The following ACP2 variants were observed in gnomAD, a reference collection of about 807,000 sequenced individuals.
ACP2 encodes acid phosphatase 2, lysosomal, also known as lysosomal acid phosphatase.
In ACP2, 35 loss-of-function variants were observed where a neutral mutation model predicts 54.7. That is an observed-to-expected ratio of 0.64 (90% confidence interval 0.49 to 0.85). The LOEUF (loss-of-function observed/expected upper bound fraction) is 0.85. ACP2 is among the 40% of genes least tolerant of loss of function. The pLI is 0.00. For synonymous variants in ACP2, 210 were observed against 224.4 expected (o/e 0.94, Z 0.57); for missense variants, 492 against 565.0 (o/e 0.87, Z 1.31).
intron 1 of ACP2, chr11:47,248,431 T>C (rs1034831788): frequency 4.5e-6 from 7 of 1,539,554 alleles, no homozygotes; most frequent in South Asian, 2.4e-5. Context: ...CAAAGGCTTC[T>C]TTAGGGATGA....
Position 47,244,750 on chromosome 11 carries a change from C to G in ACP2, c.757G>C (p.Ala253Pro), listed in dbSNP as rs1159089968. The stretch of plus-strand genomic sequence containing the variant: ...TGTCACTCACCCCCCTGAAGCCGGG[C>G]CTTCTCCGCCTGCTGGTAGATTCCG... ...LFGIYQQAEK[A>P]RLQGGVLLAQ... Residue 253 changes from alanine (A) to proline (P), a missense_variant, in exon 7 of 11, where the codon GCC (alanine) becomes CCC (proline). Coordinates refer to ENST00000672073, the MANE Select transcript of ACP2 (RefSeq NM_001610.4). The G allele has an allele frequency of 6.2e-7, 1 of 1,608,214 alleles. No homozygotes were observed. The highest frequency in any genetic ancestry group is 1.3e-5 in the African/African-American group (1 of 74,866).
intron 7 of ACP2, among the ~76,000 whole-genome samples, chr11:47,244,348 C>T (rs1953974025): frequency 6.6e-6 from 1 of 152,036 alleles, no homozygotes; most frequent in Non-Finnish European, 1.5e-5. Flanking sequence ...AACCCCGTTC[C>T]TACTAAAAAT....
At position 47,247,667 on chromosome 11, in the gene ACP2, G is replaced by A; in HGVS notation, c.271C>T (p.Leu91=). 6.2e-7 allele frequency: 1 copy of A among 1,614,228 alleles called. No homozygotes were observed. Among genetic ancestry groups the A allele is most frequent in the Non-Finnish European group, 8.5e-7 (1 of 1,180,044 alleles). ...QALRQRYHGF[L]NTSYHRQEVY... ...TCTTGCCGGTGATAAGAGGTGTTTAGGAAGCCGTGATAGCGCTGCCGCAGG... is the reference window on the plus strand; with the variant it reads ...TCTTGCCGGTGATAAGAGGTGTTTAAGAAGCCGTGATAGCGCTGCCGCAGG... Residue 91 remains leucine (L), a synonymous_variant, in exon 3 of 11, where the codon CTA becomes TTA. Transcript: ENST00000672073.
At position 47,245,924 on chromosome 11, in the gene ACP2, G is replaced by A. The variant is rs964325968; in HGVS notation, c.298-90C>T. On this transcript the variant is annotated intron_variant, in intron 3 of 10. Coordinates refer to ENST00000672073, the MANE Select transcript of ACP2 (RefSeq NM_001610.4). ...GTCACCCTGAAGTGGAGCCTTGTATGTATGTGTGTGTGTGTGGTGGGAAGT... is the reference window on the plus strand; with the variant it reads ...GTCACCCTGAAGTGGAGCCTTGTATATATGTGTGTGTGTGTGGTGGGAAGT... 4.2e-6 allele frequency: 6 copies of A among 1,441,564 alleles called. No individual in the cohort carries two copies. The African/African-American group carries it at 8.7e-5, about 21-fold the overall frequency. 89.3% of individuals were successfully genotyped at this position (1,441,564 alleles called of 1,614,324 possible).
chr11:47,244,899 A>T, intron 6 of ACP2, 32 bp from the exon 7 acceptor site: 1 of 1,567,098 alleles, frequency 6.4e-7, no homozygotes, highest in Non-Finnish European at 8.7e-7. Flanking sequence ...TTAGCGCCCC[A>T]GGCCTAGGCC....
chr11:47,241,899 C>G (rs1432071419), intron 10 of ACP2, among the ~76,000 whole-genome samples: 2 of 152,156 alleles, frequency 1.3e-5, no homozygotes, highest in Non-Finnish European at 2.9e-5. Flanking sequence ...ATATGAGTCT[C>G]TAGCTCAGAG....
chr11:47,243,648 C>G (rs1004006501), intron 7 of ACP2, among the ~76,000 whole-genome samples: 1 of 152,130 alleles, frequency 6.6e-6, no homozygotes, highest in African/African-American at 2.4e-5. Flanking sequence ...TGGGTGCATG[C>G]CCGGGTAACT....
intron 5 of ACP2, 38 bp downstream of exon 5, chr11:47,245,436 A>G: frequency 6.2e-7 from 1 of 1,614,180 alleles, no homozygotes; most frequent in East Asian, 2.2e-5. Flanking sequence ...CTCTGGGGAA[A>G]AGACAGCGTG....
At chr11:47,247,437 C>T in intron 3 of ACP2, 1 of 616,528 alleles carries the variant, frequency 1.6e-6, no homozygotes. Context: ...GATGCTTAAT[C>T]AAATTTGCCT....
chr11:47,248,274 G>T, intron 1 of ACP2, 141 bp from the exon 2 acceptor site: 1 of 1,029,944 alleles, frequency 9.7e-7, no homozygotes, highest in Non-Finnish European at 1.4e-6. Context: ...CCAGCTAGGA[G>T]TCAGTCACTT....
Position 47,240,141 on chromosome 11 carries a change from A to G in ACP2, c.1247T>C (p.Val416Ala). 1 of 1,614,014 alleles carries G rather than the reference A, an allele frequency of 6.2e-7. No individual in the cohort carries two copies. The highest frequency in any genetic ancestry group is 8.5e-7 in the Non-Finnish European group (1 of 1,179,974). ...MQAQPPGYRH[V>A]ADGEDHA ...TCAGGCGTGGTCCTCCCCATCTGCG[A>G]CGTGGCGGTAGCCAGGAGGCTGGGC... Residue 416 changes from valine (V) to alanine (A), a missense_variant, in exon 11 of 11, where the codon GTC (valine) becomes GCC (alanine). By Grantham distance (64) the Val-to-Ala change is moderately conservative (BLOSUM62 0). Transcript: ENST00000672073.
At position 47,245,765 on chromosome 11, in the gene ACP2, G is replaced by A. The variant is rs748187619; in HGVS notation, c.367C>T (p.Pro123Ser). 7.4e-6 allele frequency: 12 copies of A among 1,613,096 alleles called. No individual in the cohort carries two copies. The South Asian group carries it at 7.7e-5, about 10-fold the overall frequency. Reference sequence around the variant, plus strand: ...TTGAAGCGCTGCATCCCGTTGGGAGGGAAGAGTCCAGCCAGGTTGGCCTCA... The same window carrying A: ...TTGAAGCGCTGCATCCCGTTGGGAGAGAAGAGTCCAGCCAGGTTGGCCTCA... ...SAEANLAGLF[P>S]PNGMQRFNPN... Residue 123 changes from proline (P) to serine (S), a missense_variant, in exon 4 of 11, where the codon CCT becomes TCT. Pro to Ser is a moderately conservative substitution (Grantham distance 74). Coordinates refer to ENST00000672073, the MANE Select transcript of ACP2 (RefSeq NM_001610.4).
chr11:47,248,256 A>C, intron 1 of ACP2, 123 bp from the exon 2 acceptor site: 1 of 1,102,716 alleles, frequency 9.1e-7, no homozygotes, highest in Non-Finnish European at 1.3e-6. Flanking sequence ...TACTGGCTGC[A>C]AAAGACCCCA....
At position 47,245,546 on chromosome 11, in the gene ACP2, A is replaced by C; in HGVS notation, c.477T>G (p.Cys159Trp). The C allele has an allele frequency of 6.2e-7, 1 of 1,614,112 alleles. No individual in the cohort carries two copies. Among genetic ancestry groups the C allele is most frequent in the Non-Finnish European group, 8.5e-7 (1 of 1,180,010 alleles). The part of the protein sequence containing the change: ...DRLLKFPLGP[C>W]PRYEQLQNET... ...CGTTCTGCAGCTGCTCATAACGGGG[A>C]CATGGGCCCAACGGGAACTTCAGCA... Residue 159 changes from cysteine (C) to tryptophan (W), a missense_variant, in exon 5 of 11, where the codon TGT becomes TGG. Physicochemically the swap from Cys to Trp is radical, Grantham distance 215 (BLOSUM62 -2). Transcript: ENST00000672073.
At position 47,239,863 on chromosome 11, in the gene ACP2, G is replaced by A; in HGVS notation, c.*253C>T. ...GCCAGTTTACATCTCAGGTGTGTAG[G>A]GAGCGTGGAGGAGGCAAATCCTGTT... On this transcript the variant is annotated 3_prime_UTR_variant, in exon 11 of 11. Transcript: ENST00000672073. 1 of 489,580 alleles carries A rather than the reference G, an allele frequency of 2.0e-6. No homozygotes were observed. The highest frequency in any genetic ancestry group is 3.7e-6 in the Non-Finnish European group (1 of 273,356). 30.3% of individuals were successfully genotyped at this position (489,580 alleles called of 1,614,324 possible).
intron 7 of ACP2, among the ~76,000 whole-genome samples, chr11:47,243,573 G>A (rs566969482): frequency 5.3e-5 from 8 of 152,322 alleles, no homozygotes; most frequent in East Asian, 1.9e-4. Context: ...ACCTGCCTGT[G>A]TTTACAGAAG....
intron 10 of ACP2, among the ~76,000 whole-genome samples, chr11:47,240,894 G>C (rs1953859090): frequency 6.6e-6 from 1 of 152,046 alleles, no homozygotes; most frequent in Non-Finnish European, 1.5e-5. Context: ...AAGTAGGTCA[G>C]CAGGGAAGGC....
intron 7 of ACP2, among the ~76,000 whole-genome samples, chr11:47,244,185 T>G (rs1464157277): frequency 6.6e-6 from 1 of 151,770 alleles, no homozygotes; most frequent in African/African-American, 2.4e-5. Context: ...TCCCAGCACT[T>G]TGGGAGGCCA....
rs752483023 is a variant in ACP2, at chr11:47,240,147, C to T, written c.1241G>A (p.Arg414His). 9 of 1,613,900 alleles carry T rather than the reference C, an allele frequency of 5.6e-6. No homozygotes were observed. The highest frequency in any genetic ancestry group is 1.3e-5 in the African/African-American group (1 of 75,048). Residue 414 changes from arginine (R) to histidine (H), a missense_variant, in exon 11 of 11, where the codon CGC becomes CAC. Coordinates refer to ENST00000672073, the MANE Select transcript of ACP2 (RefSeq NM_001610.4). ...GTGGTCCTCCCCATCTGCGACGTGGCGGTAGCCAGGAGGCTGGGCCTGCAT... is the reference window on the plus strand; with the variant it reads ...GTGGTCCTCCCCATCTGCGACGTGGTGGTAGCCAGGAGGCTGGGCCTGCAT... ...FRMQAQPPGY[R>H]HVADGEDHA
Sources: gnomAD v4.1 joint callset for allele counts (sites outside exome capture counted in the v4.1 genomes callset) on GRCh38, gnomAD v4.1.1 for gene constraint, MANE v1.5 for transcripts, NCBI Gene and HGNC (gene_info 2026-07-23, HGNC 2026-07-21) for gene names.